The following GRID2 variants were observed in gnomAD, a reference collection of about 807,000 sequenced individuals.
The protein encoded by GRID2 is glutamate receptor ionotropic, delta-2.
GRID2 carries 33 observed loss-of-function variants against 114.8 expected under a neutral mutation model. The ratio of observed to expected loss-of-function variants is 0.29; its 90% CI spans 0.22 to 0.38. GRID2 has a LOEUF of 0.38. GRID2 is among the 10% of genes least tolerant of loss of function. The probability of loss-of-function intolerance (pLI) is 1.00; values close to 1 mark genes in which losing one functional copy is unlikely to be tolerated. For missense variants in GRID2, 1,184 were observed against 1,257.7 expected (o/e 0.94, Z 0.89); for synonymous variants, 505 against 449.9 (o/e 1.12, Z -1.55).
intron 2 of GRID2, among the ~76,000 whole-genome samples, chr4:93,071,096 T>G (rs1180486458): frequency 6.6e-6 from 1 of 152,092 alleles, no homozygotes; most frequent in Non-Finnish European, 1.5e-5. Flanking sequence ...AAACAACACT[T>G]TTCTTATGAA....
At chr4:93,396,855 C>T (rs1285697581) in intron 9 of GRID2, among the ~76,000 whole-genome samples, 1 of 151,988 alleles carries the variant, frequency 6.6e-6, no homozygotes, top group African/African-American at 2.4e-5. Context: ...ATACATTCTC[C>T]TTTGCTATTC....
At chr4:93,290,318 A>G (rs1167203808) in intron 8 of GRID2, among the ~76,000 whole-genome samples, 1 of 152,148 alleles carries the variant, frequency 6.6e-6, no homozygotes, top group Non-Finnish European at 1.5e-5. Context: ...AGGTGTTCGG[A>G]TAGAGCTGGG....
rs113486671 is a variant in GRID2 at position 93,763,055 on chromosome 4, A to G, written c.2361-6155A>G. Among the ~76,000 whole-genome samples the G allele has an allele frequency of 7.1e-3, 1,075 of 152,224 alleles. 15 individuals carry two copies. The highest frequency in any genetic ancestry group is 0.025 in the African/African-American group (1,027 of 41,552). On this transcript the variant is annotated intron_variant, in intron 14 of 15. Coordinates refer to ENST00000282020, the MANE Select transcript of GRID2 (RefSeq NM_001510.4). ...ACCTATAGCCTTTGCAGACTTTAGC[A>G]GCAGTCACCTATTAATCTCTAAAAC...
At chr4:92,803,202 A>G (rs1325887187) in intron 2 of GRID2, among the ~76,000 whole-genome samples, 1 of 151,928 alleles carries the variant, frequency 6.6e-6, no homozygotes, top group Non-Finnish European at 1.5e-5. Context: ...ATTGGTAGCC[A>G]TTAACCAAAG....
intron 1 of GRID2, among the ~76,000 whole-genome samples, chr4:92,515,499 G>C (rs759294462): frequency 5.3e-5 from 8 of 151,824 alleles, no homozygotes; most frequent in Non-Finnish European, 1.2e-4. Context: ...TTTCAGCTCA[G>C]AAGAATCTCA....
chr4:92,596,550 C>G (rs149861169), intron 2 of GRID2, among the ~76,000 whole-genome samples: 89 of 152,168 alleles, frequency 5.8e-4, no homozygotes, highest in African/African-American at 2.0e-3. Context: ...ATTACTTTTT[C>G]TCCTTGCCTG....
chr4:93,184,693 C>A (rs180947257), intron 4 of GRID2, among the ~76,000 whole-genome samples: 1 of 152,042 alleles, frequency 6.6e-6, no homozygotes, highest in Admixed American at 6.6e-5. Flanking sequence ...ACCAGCCTGG[C>A]CAACACAGTG....
At chr4:92,650,282 C>T (rs1560511064) in intron 2 of GRID2, among the ~76,000 whole-genome samples, 1 of 151,646 alleles carries the variant, frequency 6.6e-6, no homozygotes, top group South Asian at 2.1e-4. Flanking sequence ...ATTTCATATT[C>T]CCTTTGCCTT....
chr4:93,022,376 A>C (rs1448772328), intron 2 of GRID2, among the ~76,000 whole-genome samples: 1 of 151,898 alleles, frequency 6.6e-6, no homozygotes, highest in Non-Finnish European at 1.5e-5. Context: ...CCTTCTATGC[A>C]TTCTAATTCG....
At chr4:92,703,906 A>G (rs560135722) in intron 2 of GRID2, among the ~76,000 whole-genome samples, 1 of 152,132 alleles carries the variant, frequency 6.6e-6, no homozygotes, top group Non-Finnish European at 1.5e-5. Context: ...TGATACTCTG[A>G]CCATTCACCA....
chr4:92,476,520 A>G (rs977371037), intron 1 of GRID2, among the ~76,000 whole-genome samples: 1 of 152,296 alleles, frequency 6.6e-6, no homozygotes, highest in Middle Eastern at 3.4e-3. Flanking sequence ...TGGCATTTTG[A>G]GTAAAGATGT....
chr4:92,360,924 A>G (rs1190702908), intron 1 of GRID2, among the ~76,000 whole-genome samples: 1 of 151,982 alleles, frequency 6.6e-6, no homozygotes, highest in African/African-American at 2.4e-5. Flanking sequence ...TAGGTTAAAT[A>G]TTTGTGTTCT....
intron 14 of GRID2, among the ~76,000 whole-genome samples, chr4:93,636,478 T>C (rs1005599295): frequency 6.6e-6 from 1 of 152,000 alleles, no homozygotes; most frequent in Non-Finnish European, 1.5e-5. Flanking sequence ...CCAGAGTAAT[T>C]ATAAGACTCT....
At chr4:93,013,601 A>G (rs1057456591) in intron 2 of GRID2, among the ~76,000 whole-genome samples, 1 of 151,918 alleles carries the variant, frequency 6.6e-6, no homozygotes, top group African/African-American at 2.4e-5. Flanking sequence ...CGTGCTTGTC[A>G]TCAGTCAGTA....
Position 93,404,451 on chromosome 4 carries a change from A to G in GRID2, c.1347+8743A>G, listed in dbSNP as rs549282488. ...GAGAGTCTGGTTCCCCAGACTGCCT[A>G]TGTTTAAATCCCCACCTCTCCTACC... On this transcript the variant is annotated intron_variant, in intron 9 of 15. Transcript: ENST00000282020. Among the ~76,000 whole-genome samples, 3 of 152,272 alleles carry G rather than the reference A, an allele frequency of 2.0e-5. No individual in the cohort carries two copies. In the East Asian group the frequency reaches 5.8e-4, roughly 29 times the overall value.
At chr4:93,068,107 A>G (rs1042019028) in intron 2 of GRID2, among the ~76,000 whole-genome samples, 1 of 152,048 alleles carries the variant, frequency 6.6e-6, no homozygotes, top group African/African-American at 2.4e-5. Flanking sequence ...AGTGATTATG[A>G]TCTTCAGTAA....
At chr4:93,038,153 C>A (rs1725096179) in intron 2 of GRID2, among the ~76,000 whole-genome samples, 1 of 152,072 alleles carries the variant, frequency 6.6e-6, no homozygotes, top group African/African-American at 2.4e-5. Context: ...GTTTGTAGTT[C>A]TCCTTGAAGA....
intron 4 of GRID2, among the ~76,000 whole-genome samples, chr4:93,188,752 C>A (rs1052303345): frequency 1.3e-5 from 2 of 152,108 alleles, no homozygotes; most frequent in Admixed American, 6.6e-5. Flanking sequence ...AGAAGCCATG[C>A]TACATCCTCA....
chr4:93,450,428 G>A (rs1722575461), intron 10 of GRID2, among the ~76,000 whole-genome samples: 1 of 151,754 alleles, frequency 6.6e-6, no homozygotes, highest in Non-Finnish European at 1.5e-5. Context: ...ATGATACTTG[G>A]TATATAGTAA....
Sources: gnomAD v4.1 joint callset for allele counts (sites outside exome capture counted in the v4.1 genomes callset) on GRCh38, gnomAD v4.1.1 for gene constraint, MANE v1.5 for transcripts, NCBI Gene and HGNC (gene_info 2026-07-23, HGNC 2026-07-21) for gene names.